KLHL29: variants seen among roughly 807,000 people sequenced by gnomAD.
KLHL29 encodes the protein kelch-like protein 29.
Under a neutral mutation model 80.4 loss-of-function variants are expected in KLHL29, and 21 were observed. That is an observed-to-expected ratio of 0.26 (90% CI 0.19 to 0.38). The LOEUF (loss-of-function observed/expected upper bound fraction) is 0.38, where lower values mean the gene tolerates loss of function less well. Among genes scored for constraint, KLHL29 ranks in the 10% least tolerant of loss-of-function variants. The probability of loss-of-function intolerance (pLI) is 1.00; values close to 1 mark genes in which losing one functional copy is unlikely to be tolerated. For missense variants in KLHL29, 867 were observed against 1,223.9 expected, an observed-to-expected ratio of 0.71 and a Z score of 4.35; for synonymous variants, 511 against 526.8, an observed-to-expected ratio of 0.97 and a Z score of 0.41.
chr2:23,428,896 T>A (rs115422720), intron 1 of KLHL29, among the ~76,000 whole-genome samples: 282 of 152,330 alleles, frequency 1.9e-3, no homozygotes, highest in Middle Eastern at 0.017. Context: ...AGTCTCCTTT[T>A]CGGACAATAT....
At position 23,630,920 on chromosome 2, in the gene KLHL29, G is replaced by A. The variant is rs978876792; in HGVS notation, c.286-8219G>A. Among the ~76,000 whole-genome samples the A allele has an allele frequency of 2.6e-5, 4 of 152,342 alleles. No individual in the cohort carries two copies. In the East Asian group the frequency reaches 5.8e-4, roughly 22 times the overall value. ...GAGTGGAGGAGGCTGTTAGGACAGTGGCTGGCCAGGGAGGACCAGTTCATC... is the reference window on the plus strand; with the variant it reads ...GAGTGGAGGAGGCTGTTAGGACAGTAGCTGGCCAGGGAGGACCAGTTCATC... On this transcript the variant is annotated intron_variant, in intron 3 of 13. Coordinates refer to ENST00000486442, the MANE Select transcript of KLHL29 (RefSeq NM_052920.2).
At chr2:23,552,787 G>A (rs569104609) in intron 2 of KLHL29, among the ~76,000 whole-genome samples, 3 of 23,842 alleles carry the variant, frequency 1.3e-4, no homozygotes, top group South Asian at 2.2e-3. Context: ...TTGAGATGGC[G>A]TCTCACTGTG....
At position 23,529,163 on chromosome 2, in the gene KLHL29, G is replaced by A. The variant is rs557518502; in HGVS notation, c.-45-32989G>A. Among the ~76,000 whole-genome samples the A allele has an allele frequency of 2.2e-4, 33 of 152,354 alleles. No homozygotes were observed. The East Asian group carries it at 4.4e-3, about 20-fold the overall frequency. On this transcript the variant is annotated intron_variant, in intron 2 of 13. Transcript: ENST00000486442. ...TGCTCTGTCACGCAGGCTGCAGTGT[G>A]CAGTGGCACGATCATAGCTCACTGA...
rs1045015027 is a variant in KLHL29 at position 23,557,865 on chromosome 2, A to AGGC, written c.-45-4286_-45-4284dup. ...TTTATCACATCAGTCAGGCCAGGCTAGGCTGTGCTTAGGTAACACATAGAC... is the reference window on the plus strand; with the variant it reads ...TTTATCACATCAGTCAGGCCAGGCTAGGCGGCTGTGCTTAGGTAACACATAGAC... On this transcript the variant is annotated intron_variant, in intron 2 of 13. Coordinates refer to ENST00000486442, the MANE Select transcript of KLHL29 (RefSeq NM_052920.2). Among the ~76,000 whole-genome samples the AGGC allele has an allele frequency of 2.4e-4, 36 of 152,320 alleles. No homozygotes were observed. In the Middle Eastern group the frequency reaches 0.02, roughly 86 times the overall value.
chr2:23,560,698 T>C (rs1008932881), intron 2 of KLHL29, among the ~76,000 whole-genome samples: 5 of 152,214 alleles, frequency 3.3e-5, no homozygotes, highest in Non-Finnish European at 5.9e-5. Context: ...GGCTGCAGGC[T>C]TCACCTGGGC....
intron 2 of KLHL29, among the ~76,000 whole-genome samples, chr2:23,476,885 C>T (rs1220145676): frequency 1.3e-5 from 2 of 152,236 alleles, no homozygotes; most frequent in Non-Finnish European, 2.9e-5. Flanking sequence ...TCTGCTTTAG[C>T]CCCCACCAGG....
rs901853600 is a variant in KLHL29, at chr2:23,385,211, G to A, written c.-723G>A. ...ACCCGGAGCGGAGCGAGCCAGAAGGGAGCATGGTCCCCGCGCCGCGGCCGC... is the reference window on the plus strand; with the variant it reads ...ACCCGGAGCGGAGCGAGCCAGAAGGAAGCATGGTCCCCGCGCCGCGGCCGC... On this transcript the variant is annotated 5_prime_UTR_variant, in exon 1 of 14. Transcript: ENST00000486442. The A allele has an allele frequency of 6.7e-6, 1 of 149,238 alleles. No homozygotes were observed. Among genetic ancestry groups the A allele is most frequent in the African/African-American group, 2.4e-5 (1 of 41,104 alleles). The allele number at this position is 149,238 out of a possible 1,614,324, so 9.2% of individuals were successfully genotyped here. A position where few individuals can be genotyped will look rare whatever the true frequency, so the allele number is the denominator to read the frequency against.
chr2:23,651,670 C>T (rs1670091801), intron 5 of KLHL29, among the ~76,000 whole-genome samples: 1 of 151,780 alleles, frequency 6.6e-6, no homozygotes, highest in Admixed American at 6.6e-5. Context: ...TTTGTGCTGC[C>T]ATCACAAAAT....
chr2:23,474,076 T>C (rs1007366475), intron 1 of KLHL29, among the ~76,000 whole-genome samples: 1 of 152,174 alleles, frequency 6.6e-6, no homozygotes, highest in African/African-American at 2.4e-5. Context: ...TCTAATAAAT[T>C]GCATATACTA....
chr2:23,546,384 G>T (rs1312498281), intron 2 of KLHL29, among the ~76,000 whole-genome samples: 1 of 152,224 alleles, frequency 6.6e-6, no homozygotes, highest in Non-Finnish European at 1.5e-5. Context: ...TCATCAGGAA[G>T]ACTTCATGGA....
chr2:23,575,849 C>T (rs1364380549), intron 3 of KLHL29, among the ~76,000 whole-genome samples: 1 of 152,224 alleles, frequency 6.6e-6, no homozygotes. Flanking sequence ...GGCGCAGGAA[C>T]CTCCACCCAG....
intron 2 of KLHL29, among the ~76,000 whole-genome samples, chr2:23,544,194 G>A (rs1666923408): frequency 6.6e-6 from 1 of 152,226 alleles, no homozygotes; most frequent in South Asian, 2.1e-4. Flanking sequence ...GAGAGAAGAC[G>A]GGCACGAGAA....
chr2:23,391,300 G>A (rs553184662), intron 1 of KLHL29, among the ~76,000 whole-genome samples: 9 of 152,304 alleles, frequency 5.9e-5, no homozygotes, highest in African/African-American at 2.2e-4. Flanking sequence ...CCATTCATCT[G>A]TTGATGGAGA....
intron 2 of KLHL29, among the ~76,000 whole-genome samples, chr2:23,544,737 G>A (rs1666938176): frequency 1.3e-5 from 2 of 152,192 alleles, no homozygotes; most frequent in Non-Finnish European, 2.9e-5. Flanking sequence ...GTGGATAGTG[G>A]GGAGGATGGG....
intron 2 of KLHL29, among the ~76,000 whole-genome samples, chr2:23,547,535 A>G (rs1351033651): frequency 6.6e-6 from 1 of 152,080 alleles, no homozygotes; most frequent in Non-Finnish European, 1.5e-5. Flanking sequence ...AGCCCTTGGT[A>G]CGGTAGCCAG....
chr2:23,670,402 G>A (rs948958234), intron 5 of KLHL29: 1 of 152,366 alleles, frequency 6.6e-6, no homozygotes, highest in Non-Finnish European at 1.5e-5. Context: ...GCCGACCGGT[G>A]TGATGGGCAG....
chr2:23,496,062 A>G (rs928487947), intron 2 of KLHL29, among the ~76,000 whole-genome samples: 2 of 152,188 alleles, frequency 1.3e-5, no homozygotes, highest in Non-Finnish European at 2.9e-5. Context: ...TCTTTTCAAC[A>G]TGGCCACCCG....
chr2:23,658,259 C>T (rs1196142457), intron 5 of KLHL29, among the ~76,000 whole-genome samples: 2 of 152,098 alleles, frequency 1.3e-5, no homozygotes, highest in African/African-American at 2.4e-5. Context: ...CCACCAGAGC[C>T]GAAGCCCTGC....
chr2:23,466,372 G>A (rs541875371), intron 1 of KLHL29, among the ~76,000 whole-genome samples: 3 of 152,196 alleles, frequency 2.0e-5, no homozygotes, highest in East Asian at 1.9e-4. Flanking sequence ...CTTTAGATGC[G>A]TTAAAGCGAA....
Sources: gnomAD v4.1 joint callset for allele counts (sites outside exome capture counted in the v4.1 genomes callset) on GRCh38, gnomAD v4.1.1 for gene constraint, MANE v1.5 for transcripts, NCBI Gene and HGNC (gene_info 2026-07-23, HGNC 2026-07-21) for gene names.